Variants in CSMD1 observed in about 807,000 individuals in gnomAD.
CSMD1 encodes CUB and Sushi multiple domains 1.
CSMD1 carries 213 observed loss-of-function variants against 417.5 expected under a neutral mutation model. The ratio of observed to expected loss-of-function variants is 0.51; its 90% CI spans 0.46 to 0.57. The LOEUF is 0.57. CSMD1 is among the 20% of genes least tolerant of loss of function. The pLI, the probability that CSMD1 is intolerant of heterozygous loss-of-function variation, is 0.00. For synonymous variants in CSMD1, 2,862 were observed against 1,736.8 expected (o/e 1.65, Z -16.11); for missense variants, 6,923 against 4,529.7 (o/e 1.53, Z -15.17).
At chr8:3,464,125 G>T (rs1489255271) in intron 12 of CSMD1, among the ~76,000 whole-genome samples, 1 of 152,102 alleles carries the variant, frequency 6.6e-6, no homozygotes, top group Non-Finnish European at 1.5e-5. Flanking sequence ...CCCCCTGCTG[G>T]AATGTAAATA....
chr8:3,410,553 G>A (rs1045373522), intron 12 of CSMD1, among the ~76,000 whole-genome samples: 1 of 152,144 alleles, frequency 6.6e-6, no homozygotes, highest in Non-Finnish European at 1.5e-5. Context: ...TTTGCCTGCT[G>A]CCATCATGTA....
intron 5 of CSMD1, among the ~76,000 whole-genome samples, chr8:3,872,019 T>C (rs914354469): frequency 2.0e-5 from 3 of 152,232 alleles, no homozygotes; most frequent in Non-Finnish European, 4.4e-5. Flanking sequence ...GTGAGTATAG[T>C]GGTTAACACA....
intron 2 of CSMD1, among the ~76,000 whole-genome samples, chr8:4,500,465 C>A (rs1305214457): frequency 6.6e-6 from 1 of 152,008 alleles, no homozygotes; most frequent in Non-Finnish European, 1.5e-5. Flanking sequence ...GAACAAAACA[C>A]CAGAAACAAG....
chr8:4,117,474 T>C (rs1469237161), intron 3 of CSMD1, among the ~76,000 whole-genome samples: 1 of 152,136 alleles, frequency 6.6e-6, no homozygotes, highest in African/African-American at 2.4e-5. Flanking sequence ...TCTTAATAAA[T>C]GATGCACTCA....
At chr8:3,995,586 T>G (rs1365588987) in intron 5 of CSMD1, among the ~76,000 whole-genome samples, 1 of 152,198 alleles carries the variant, frequency 6.6e-6, no homozygotes, top group Admixed American at 6.5e-5. Flanking sequence ...GTCAGAGACC[T>G]TGAACCTGAG....
At chr8:3,690,086 T>A (rs1179790369) in intron 7 of CSMD1, among the ~76,000 whole-genome samples, 1 of 152,152 alleles carries the variant, frequency 6.6e-6, no homozygotes, top group African/African-American at 2.4e-5. Flanking sequence ...AGGCTGCGCG[T>A]AGTGGCCAAC....
At chr8:4,617,764 T>A (rs1373835895) in intron 2 of CSMD1, among the ~76,000 whole-genome samples, 1 of 152,104 alleles carries the variant, frequency 6.6e-6, no homozygotes, top group Non-Finnish European at 1.5e-5. Flanking sequence ...GCATTCCTCA[T>A]TATTAGAAAG....
intron 6 of CSMD1, among the ~76,000 whole-genome samples, chr8:3,713,029 T>C (rs1458660288): frequency 6.7e-6 from 1 of 150,344 alleles, no homozygotes; most frequent in Non-Finnish European, 1.5e-5. Context: ...TATGTGAGGT[T>C]AAAAAAAAAA....
intron 18 of CSMD1, among the ~76,000 whole-genome samples, chr8:3,369,643 T>C (rs964522055): frequency 3.3e-5 from 5 of 152,136 alleles, no homozygotes. Flanking sequence ...GCCTCAGAAT[T>C]GCAGACATGG....
chr8:4,554,158 G>A (rs7003492), intron 2 of CSMD1, among the ~76,000 whole-genome samples: 3 of 151,864 alleles, frequency 2.0e-5, no homozygotes, highest in African/African-American at 7.3e-5. Flanking sequence ...TTTTTTTGAG[G>A]CAGAGTCTCG....
chr8:4,458,577 C>G (rs538828669), intron 2 of CSMD1, among the ~76,000 whole-genome samples: 1 of 151,864 alleles, frequency 6.6e-6, no homozygotes, highest in Non-Finnish European at 1.5e-5. Context: ...GACATTGTAA[C>G]AGTAAATACA....
At chr8:4,013,681 T>C (rs1796387185) in intron 4 of CSMD1, among the ~76,000 whole-genome samples, 2 of 152,238 alleles carry the variant, frequency 1.3e-5, no homozygotes, top group South Asian at 2.1e-4. Context: ...TTGGAATTCT[T>C]TCTTGTTTTG....
At chr8:2,962,873 A>T (rs964037950) in intron 60 of CSMD1, among the ~76,000 whole-genome samples, 4 of 152,164 alleles carry the variant, frequency 2.6e-5, no homozygotes, top group African/African-American at 9.7e-5. Flanking sequence ...ACATGGCGAA[A>T]CCTATGTCTA....
chr8:3,893,432 G>C (rs1040314902), intron 5 of CSMD1, among the ~76,000 whole-genome samples: 1 of 147,000 alleles, frequency 6.8e-6, no homozygotes, highest in African/African-American at 2.5e-5. Flanking sequence ...ATCAACTCCT[G>C]AAACCAATGA....
chr8:3,066,982 G>A (rs191003135), intron 49 of CSMD1, among the ~76,000 whole-genome samples: 109 of 152,016 alleles, frequency 7.2e-4, no homozygotes, highest in Admixed American at 2.0e-3. Context: ...GGTACAGACT[G>A]ACGAAAATCC....
chr8:4,253,427 G>C (rs1037704572), intron 3 of CSMD1, among the ~76,000 whole-genome samples: 6 of 151,692 alleles, frequency 4.0e-5, no homozygotes, highest in African/African-American at 1.5e-4. Context: ...TCCCACACCA[G>C]AACATAGCGG....
intron 3 of CSMD1, among the ~76,000 whole-genome samples, chr8:4,395,894 C>T (rs1175376805): frequency 6.6e-6 from 1 of 152,146 alleles, no homozygotes; most frequent in Non-Finnish European, 1.5e-5. Context: ...TCTAGAAACA[C>T]ATATAAGTGT....
rs140963145 is a variant in CSMD1, at chr8:4,150,804, G to A, written c.416-118705C>T. On this transcript the variant is annotated intron_variant, in intron 3 of 69. Transcript: ENST00000635120. ...TAAATGTGTAGTTTGCGCACTTGCA[G>A]AGGTGTTGGGAGAAGACAGGGAGGG... Among the ~76,000 whole-genome samples the A allele has an allele frequency of 2.2e-4, 33 of 152,338 alleles. No individual in the cohort carries two copies. In the East Asian group the frequency reaches 4.2e-3, roughly 20 times the overall value.
At chr8:4,098,844 A>T (rs1350853761) in intron 3 of CSMD1, among the ~76,000 whole-genome samples, 1 of 152,168 alleles carries the variant, frequency 6.6e-6, no homozygotes, top group East Asian at 1.9e-4. Flanking sequence ...CTATGCCATA[A>T]ATCTTGCTCA....
Sources: allele counts gnomAD v4.1 joint callset (sites outside exome capture counted in the v4.1 genomes callset), GRCh38; gene constraint gnomAD v4.1.1; transcripts MANE v1.5; gene names NCBI Gene and HGNC (gene_info 2026-07-23, HGNC 2026-07-21).